Variants in ZNF804B observed in about 807,000 individuals in gnomAD.
The protein encoded by ZNF804B is zinc finger protein 804B, also known as zinc finger 804B.
In ZNF804B, 80 loss-of-function variants were observed where a neutral mutation model predicts 101.4. That is an observed-to-expected ratio of 0.79 (90% CI 0.66 to 0.95). The LOEUF (loss-of-function observed/expected upper bound fraction) is 0.95. Ranked by LOEUF, ZNF804B falls within the 40% of genes least tolerant of loss-of-function variation. The pLI is 0.00. For synonymous variants in ZNF804B, 622 were observed against 558.8 expected (o/e 1.11, Z -1.59); for missense variants, 1,673 against 1,561.9 (o/e 1.07, Z -1.20).
At chr7:89,177,410 C>T (rs929400931) in intron 1 of ZNF804B, among the ~76,000 whole-genome samples, 8 of 152,144 alleles carry the variant, frequency 5.3e-5, no homozygotes, top group South Asian at 4.1e-4. Flanking sequence ...AATTACCATG[C>T]GTTTGTATAG....
At chr7:89,238,407 C>A (rs1484986656) in intron 2 of ZNF804B, among the ~76,000 whole-genome samples, 1 of 152,042 alleles carries the variant, frequency 6.6e-6, no homozygotes, top group South Asian at 2.1e-4. Flanking sequence ...ATTATGGAGT[C>A]ATTGAATCAT....
chr7:89,333,855 T>G lies in ZNF804B; in HGVS notation c.873T>G (p.Val291=). Residue 291 remains valine, a synonymous_variant, in exon 4 of 4, where the codon GTT becomes GTG. Transcript: ENST00000333190. Reference sequence around the variant, plus strand: ...TCTCACCAAGCCATCTGGAAAGTGTTTTACACAATACCATCTCCATAAACT... The same window carrying G: ...TCTCACCAAGCCATCTGGAAAGTGTGTTACACAATACCATCTCCATAAACT... ...VNISPSHLES[V]LHNTISINSK... is the part of the protein sequence containing the mutation. 1 of 1,613,408 alleles carries G rather than the reference T, an allele frequency of 6.2e-7. No individual in the cohort carries two copies. Among genetic ancestry groups the G allele is most frequent in the Non-Finnish European group, 8.5e-7 (1 of 1,179,724 alleles).
Position 89,335,633 on chromosome 7 carries a change from G to A in ZNF804B, c.2651G>A (p.Gly884Glu). ...GGCAGCCCTCACATTTGTGATCTGG[G>A]AAAAGTCAGGCCCATGAAGTGTAAC... is the stretch of plus-strand genomic sequence containing the variant. ...SLGSPHICDL[G>E]KVRPMKCNSG... Residue 884 changes from glycine (G) to glutamate (E), a missense_variant, in exon 4 of 4, where the codon GGA becomes GAA. Physicochemically the swap from Gly to Glu is moderately conservative, Grantham distance 98 (BLOSUM62 -2). Coordinates refer to ENST00000333190, the MANE Select transcript of ZNF804B (RefSeq NM_181646.5). 2 of 1,613,962 alleles carry A rather than the reference G, an allele frequency of 1.2e-6. No homozygotes were observed. The highest frequency in any genetic ancestry group is 4.5e-5 in the East Asian group (2 of 44,854).
chr7:89,171,285 GCTGCTTCTTCTTCTTCTTCTT>G (rs1224392808), intron 1 of ZNF804B, among the ~76,000 whole-genome samples: 5 of 64,638 alleles, frequency 7.7e-5, no homozygotes, highest in South Asian at 5.9e-4. Context: ...TAATGCTGCT[GCTGCTTCTTCTTCTTCTTCTT>G]CTTCTTCTTC....
chr7:88,904,306 T>A (rs1261690426), intron 1 of ZNF804B, among the ~76,000 whole-genome samples: 2 of 152,170 alleles, frequency 1.3e-5, no homozygotes, highest in Admixed American at 1.3e-4. Flanking sequence ...GTTCCACTGG[T>A]CTATGTGTTC....
At chr7:89,296,029 A>C (rs1393897344) in intron 2 of ZNF804B, among the ~76,000 whole-genome samples, 1 of 152,074 alleles carries the variant, frequency 6.6e-6, no homozygotes, top group East Asian at 1.9e-4. Flanking sequence ...ACGGATAAAA[A>C]ACTACACATT....
intron 1 of ZNF804B, among the ~76,000 whole-genome samples, chr7:89,180,033 G>A (rs1788273535): frequency 6.6e-6 from 1 of 152,148 alleles, no homozygotes; most frequent in South Asian, 2.1e-4. Flanking sequence ...TATCCTGCCT[G>A]GAGTTTGGGG....
chr7:88,854,418 TC>T (rs1483316148), intron 1 of ZNF804B, among the ~76,000 whole-genome samples: 2 of 85,176 alleles, frequency 2.3e-5, no homozygotes, highest in African/African-American at 8.7e-5. Flanking sequence ...TTTCTTCCTT[TC>T]TTTCTTTCTT....
chr7:88,890,631 A>G (rs1792201409), intron 1 of ZNF804B, among the ~76,000 whole-genome samples: 1 of 152,088 alleles, frequency 6.6e-6, no homozygotes, highest in Non-Finnish European at 1.5e-5. Context: ...TTTATTGTTT[A>G]GTTGCTTTTT....
intron 1 of ZNF804B, among the ~76,000 whole-genome samples, chr7:88,829,575 A>C (rs943382873): frequency 1.3e-5 from 2 of 152,030 alleles, no homozygotes; most frequent in African/African-American, 4.8e-5. Context: ...ATTTTTTTCT[A>C]AGGAAATTGA....
intron 2 of ZNF804B, among the ~76,000 whole-genome samples, chr7:89,274,455 C>T (rs536196434): frequency 1.3e-5 from 2 of 149,074 alleles, no homozygotes; most frequent in African/African-American, 5.0e-5. Flanking sequence ...ATGATGATTT[C>T]CAATTTCATC....
chr7:89,135,561 G>T (rs1790618739), intron 1 of ZNF804B, among the ~76,000 whole-genome samples: 1 of 151,918 alleles, frequency 6.6e-6, no homozygotes, highest in African/African-American at 2.4e-5. Context: ...TCTTTGTTAG[G>T]TTGTAAATTT....
intron 1 of ZNF804B, among the ~76,000 whole-genome samples, chr7:89,065,131 C>T (rs1414586649): frequency 6.6e-6 from 1 of 152,158 alleles, no homozygotes; most frequent in Admixed American, 6.5e-5. Flanking sequence ...AAAGAACCCT[C>T]CGATAGGAGC....
At chr7:88,970,255 A>T (rs985430089) in intron 1 of ZNF804B, among the ~76,000 whole-genome samples, 3 of 151,598 alleles carry the variant, frequency 2.0e-5, no homozygotes, top group Admixed American at 6.6e-5. Context: ...CTTGTTACAT[A>T]GGTAAACATG....
chr7:89,218,623 A>C (rs1045974670), intron 2 of ZNF804B, among the ~76,000 whole-genome samples: 3 of 152,120 alleles, frequency 2.0e-5, no homozygotes, highest in African/African-American at 7.2e-5. Flanking sequence ...TGCAGTTAAA[A>C]ATCTGCATAT....
At chr7:88,936,465 G>A (rs1043150796) in intron 1 of ZNF804B, among the ~76,000 whole-genome samples, 1 of 152,036 alleles carries the variant, frequency 6.6e-6, no homozygotes, top group Admixed American at 6.6e-5. Context: ...GATAGCTGAA[G>A]CTTAAATAAC....
At chr7:88,855,483 C>T (rs1253849496) in intron 1 of ZNF804B, among the ~76,000 whole-genome samples, 1 of 151,870 alleles carries the variant, frequency 6.6e-6, no homozygotes, top group African/African-American at 2.4e-5. Flanking sequence ...TGTTTGAGTT[C>T]ATCGTAGATT....
At chr7:89,146,480 G>A (rs1404208614) in intron 1 of ZNF804B, among the ~76,000 whole-genome samples, 3 of 152,122 alleles carry the variant, frequency 2.0e-5, no homozygotes, top group African/African-American at 7.2e-5. Flanking sequence ...TAGAGGTCTT[G>A]TAGACTTATG....
At chr7:88,791,487 T>C (rs1325535401) in intron 1 of ZNF804B, among the ~76,000 whole-genome samples, 2 of 152,172 alleles carry the variant, frequency 1.3e-5, no homozygotes, top group African/African-American at 4.8e-5. Flanking sequence ...AGATATTCTA[T>C]AACTTCTTCC....
Sources: allele counts gnomAD v4.1 joint callset (sites outside exome capture counted in the v4.1 genomes callset), GRCh38; gene constraint gnomAD v4.1.1; transcripts MANE v1.5; gene names NCBI Gene and HGNC (gene_info 2026-07-23, HGNC 2026-07-21).